Variants in CMTM8 observed in about 807,000 individuals in gnomAD.
CMTM8 encodes CKLF like MARVEL transmembrane domain containing 8.
In CMTM8, 12 loss-of-function variants were observed where a neutral mutation model predicts 18.6. The ratio of observed to expected loss-of-function variants is 0.65; its 90% CI spans 0.41 to 1.05. The LOEUF (loss-of-function observed/expected upper bound fraction) is 1.05. CMTM8 is among the 50% of genes least tolerant of loss of function. CMTM8 has a pLI of 0.00. For missense variants in CMTM8, 217 were observed against 227.2 expected, an observed-to-expected ratio of 0.95 and a Z score of 0.29; for synonymous variants, 87 against 90.6, an observed-to-expected ratio of 0.96 and a Z score of 0.23.
At chr3:32,241,625 G>A (rs1314303631) in intron 1 of CMTM8, among the ~76,000 whole-genome samples, 1 of 152,156 alleles carries the variant, frequency 6.6e-6, no homozygotes, top group African/African-American at 2.4e-5. Flanking sequence ...TGTTTGGTAG[G>A]CTAGGGGTAT....
rs962137621 is a variant in CMTM8 at position 32,321,851 on chromosome 3, G to C, written c.148-35522G>C. Among the ~76,000 whole-genome samples the C allele has an allele frequency of 5.9e-5, 9 of 152,120 alleles. No homozygotes were observed. In the East Asian group the frequency reaches 9.7e-4, roughly 16 times the overall value. ...TGGGTTCAAGTAATCCACCCGCCTTGGCCTCCCAAGGTGCTGGGAGTTACA... is the reference window on the plus strand; with the variant it reads ...TGGGTTCAAGTAATCCACCCGCCTTCGCCTCCCAAGGTGCTGGGAGTTACA... On this transcript the variant is annotated intron_variant, in intron 1 of 3. Transcript: ENST00000307526.
At chr3:32,259,206 C>A (rs7615324) in intron 1 of CMTM8, 524,478 of 525,894 alleles carry the variant, frequency 1, 261,554 homozygotes, top group East Asian at 1. Flanking sequence ...AGACCACGCA[C>A]AGCCTGAACG....
intron 1 of CMTM8, among the ~76,000 whole-genome samples, chr3:32,280,614 T>C (rs914156832): frequency 2.0e-5 from 3 of 151,896 alleles, no homozygotes; most frequent in Non-Finnish European, 4.4e-5. Context: ...TACTGTGGAG[T>C]GTGCTTTCGT....
chr3:32,311,016 C>T (rs1695810102), intron 1 of CMTM8, among the ~76,000 whole-genome samples: 1 of 152,158 alleles, frequency 6.6e-6, no homozygotes, highest in Non-Finnish European at 1.5e-5. Context: ...CAATACTGCA[C>T]AGCAATGTAA....
At chr3:32,300,908 C>T (rs918110088) in intron 1 of CMTM8, among the ~76,000 whole-genome samples, 8 of 150,278 alleles carry the variant, frequency 5.3e-5, no homozygotes, top group Non-Finnish European at 8.9e-5. Context: ...TGTGGTGAGC[C>T]GAGATTTTGC....
intron 2 of CMTM8, among the ~76,000 whole-genome samples, chr3:32,359,977 C>T (rs1436864470): frequency 6.6e-6 from 1 of 152,202 alleles, no homozygotes; most frequent in Non-Finnish European, 1.5e-5. Flanking sequence ...TCCAGGCCCC[C>T]TCTGCCTGAG....
intron 1 of CMTM8, among the ~76,000 whole-genome samples, chr3:32,275,486 G>A (rs1702503128): frequency 6.6e-6 from 1 of 152,022 alleles, no homozygotes; most frequent in Non-Finnish European, 1.5e-5. Flanking sequence ...GCAAATTCAT[G>A]TAAATTGTTT....
chr3:32,338,462 A>G (rs1180280781), intron 1 of CMTM8, among the ~76,000 whole-genome samples: 5 of 152,184 alleles, frequency 3.3e-5, no homozygotes, highest in Admixed American at 1.3e-4. Context: ...GTTCTCTGGA[A>G]GAAAAAACAT....
At chr3:32,278,808 G>C (rs1702558457) in intron 1 of CMTM8, among the ~76,000 whole-genome samples, 1 of 152,164 alleles carries the variant, frequency 6.6e-6, no homozygotes, top group Admixed American at 6.5e-5. Flanking sequence ...CCTGTTTACT[G>C]AGTGTTCATT....
At chr3:32,259,799 G>A (rs1395673127) in intron 1 of CMTM8, 17 of 835,664 alleles carry the variant, frequency 2.0e-5, no homozygotes, top group Middle Eastern at 3.0e-4. Flanking sequence ...ACAGTCCGCC[G>A]AGGTTGGAGC....
intron 1 of CMTM8, among the ~76,000 whole-genome samples, chr3:32,249,437 G>GA (rs66847705): frequency 0.042 from 4,265 of 102,612 alleles, 62 homozygotes; most frequent in African/African-American, 0.062. Flanking sequence ...CTCAAAAAAT[G>GA]AAAAAAAAAA....
intron 1 of CMTM8, among the ~76,000 whole-genome samples, chr3:32,245,798 T>TTTA (rs1004888715): frequency 1.2e-4 from 19 of 152,148 alleles, no homozygotes; most frequent in Admixed American, 1.2e-3. Context: ...AAAACTTTTA[T>TTTA]TTATTATTAT....
intron 1 of CMTM8, among the ~76,000 whole-genome samples, chr3:32,289,390 T>C (rs1339938344): frequency 6.6e-6 from 1 of 152,202 alleles, no homozygotes; most frequent in African/African-American, 2.4e-5. Context: ...CAAACTCTGA[T>C]GACTTTTCCC....
At chr3:32,359,748 T>G (rs4955283) in intron 2 of CMTM8, among the ~76,000 whole-genome samples, 139,261 of 152,170 alleles carry the variant, frequency 0.92, 64,268 homozygotes, top group South Asian at 0.97. Context: ...TGCCTTTAAT[T>G]GGACTTTTAA....
chr3:32,334,561 G>A (rs1696349227), intron 1 of CMTM8, among the ~76,000 whole-genome samples: 1 of 151,072 alleles, frequency 6.6e-6, no homozygotes, highest in African/African-American at 2.4e-5. Flanking sequence ...AGCTGAGATC[G>A]CACCACTGCA....
At chr3:32,360,603 G>C (rs1696904197) in intron 2 of CMTM8, among the ~76,000 whole-genome samples, 1 of 152,222 alleles carries the variant, frequency 6.6e-6, no homozygotes, top group African/African-American at 2.4e-5. Flanking sequence ...AGCCTGTGGG[G>C]GATTCAGATG....
At chr3:32,303,753 C>T (rs1695670892) in intron 1 of CMTM8, among the ~76,000 whole-genome samples, 1 of 152,066 alleles carries the variant, frequency 6.6e-6, no homozygotes, top group East Asian at 1.9e-4. Flanking sequence ...CATCTGGTTT[C>T]TCTCGCTGTG....
chr3:32,357,854 G>C (rs936301827), intron 2 of CMTM8, among the ~76,000 whole-genome samples: 1 of 152,116 alleles, frequency 6.6e-6, no homozygotes, highest in Admixed American at 6.6e-5. Context: ...ATTTCCCTGT[G>C]AACAATGTCA....
intron 1 of CMTM8, among the ~76,000 whole-genome samples, chr3:32,343,665 G>A (rs189230039): frequency 1.2e-4 from 18 of 151,916 alleles, no homozygotes; most frequent in African/African-American, 1.9e-4. Flanking sequence ...TTTCCCCATC[G>A]TTGCACTGCC....
Sources: allele counts gnomAD v4.1 joint callset (sites outside exome capture counted in the v4.1 genomes callset), GRCh38; gene constraint gnomAD v4.1.1; transcripts MANE v1.5; gene names NCBI Gene and HGNC (gene_info 2026-07-23, HGNC 2026-07-21).